The following DNAJB12 variants were observed in gnomAD, a reference collection of about 807,000 sequenced individuals.
DNAJB12 encodes DnaJ heat shock protein family (Hsp40) member B12, also known as dnaJ homolog subfamily B member 12.
In DNAJB12, 14 loss-of-function variants were observed where a neutral mutation model predicts 40.6. That is an observed-to-expected ratio of 0.34 (90% confidence interval 0.23 to 0.54). DNAJB12 has a LOEUF of 0.54. Ranked by LOEUF, DNAJB12 falls within the 20% of genes least tolerant of loss-of-function variation. The pLI is 0.92. For missense variants in DNAJB12, 444 were observed against 501.7 expected (o/e 0.89, Z 1.10); for synonymous variants, 181 against 199.5 (o/e 0.91, Z 0.78).
intron 1 of DNAJB12, among the ~76,000 whole-genome samples, chr10:72,347,961 C>G (rs1203651780): frequency 6.6e-6 from 1 of 151,346 alleles, no homozygotes; most frequent in East Asian, 2.0e-4. Context: ...TGGTGGCTCA[C>G]ACCTGTAATC....
chr10:72,335,420 C>A lies in DNAJB12; in HGVS notation c.*30+360G>T. 1 of 1,050,026 alleles carries A rather than the reference C, an allele frequency of 9.5e-7. No individual in the cohort carries two copies. Among genetic ancestry groups the A allele is most frequent in the East Asian group, 8.8e-5 (1 of 11,340 alleles). 65.0% of individuals were successfully genotyped at this position (1,050,026 alleles called of 1,614,324 possible). A position where few individuals can be genotyped will look rare whatever the true frequency, so the allele number is the denominator to read the frequency against. On this transcript the variant is annotated intron_variant, in intron 8 of 8. Coordinates refer to ENST00000444643, the MANE Select transcript of DNAJB12 (RefSeq NM_017626.7). The surrounding 1 kb of genome is among the most constrained non-coding windows in gnomAD (Gnocchi z 4.4). ...TAAATACCAGGGCACGGACAATAGT[C>A]TGCTGTGCTGGAGAAAGGGCCGTGC...
chr10:72,348,762 G>A (rs1861862709), intron 1 of DNAJB12, among the ~76,000 whole-genome samples: 1 of 152,246 alleles, frequency 6.6e-6, no homozygotes. Flanking sequence ...CTGAGAGGGT[G>A]CTTGGGGAGG....
Position 72,333,049 on chromosome 10 carries a change from T to C in DNAJB12, c.*1599A>G, listed in dbSNP as rs1861360063. ...GCCACATCAGTTCTTATAATCTCTCTGGGCTGAAGTGGCTGCTTCATTGCA... is the reference window on the plus strand; with the variant it reads ...GCCACATCAGTTCTTATAATCTCTCCGGGCTGAAGTGGCTGCTTCATTGCA... On this transcript the variant is annotated 3_prime_UTR_variant, in exon 9 of 9. Transcript: ENST00000444643. 1 of 152,646 alleles carries C rather than the reference T, an allele frequency of 6.6e-6. No homozygotes were observed. The highest frequency in any genetic ancestry group is 6.5e-5 in the Admixed American group (1 of 15,284). The allele number at this position is 152,646 out of a possible 1,614,324, so 9.5% of individuals were successfully genotyped here.
chr10:72,354,699 C>G (rs1862021152), intron 1 of DNAJB12, 66 bp downstream of exon 1: 3 of 1,399,324 alleles, frequency 2.1e-6, no homozygotes, highest in African/African-American at 2.9e-5. Context: ...CTGCTCCCGT[C>G]GGTCCGTTCC....
intron 5 of DNAJB12, among the ~76,000 whole-genome samples, chr10:72,340,258 G>A (rs965392530): frequency 6.6e-6 from 1 of 151,916 alleles, no homozygotes; most frequent in Non-Finnish European, 1.5e-5. Context: ...GCAGGAGAAT[G>A]GCTTGAACCC....
At chr10:72,345,176 G>T in intron 1 of DNAJB12, 49 bp from the exon 2 acceptor site, 1 of 1,549,974 alleles carries the variant, frequency 6.5e-7, no homozygotes, top group Non-Finnish European at 8.7e-7. Flanking sequence ...AGCAGGCTGC[G>T]TGCCTCGCCG....
Position 72,336,705 on chromosome 10 carries a change from A to C in DNAJB12, c.834-9T>G, listed in dbSNP as rs1290233025. ...GGATGTGGCCCACGGACCTGGCCAG[A>C]AATACCAGGTTCAAAGTGGGTGCGG... On this transcript the variant is annotated splice_polypyrimidine_tract_variant and intron_variant, in intron 6 of 8. Coordinates refer to ENST00000444643, the MANE Select transcript of DNAJB12 (RefSeq NM_017626.7). 6.2e-7 allele frequency: 1 copy of C among 1,612,902 alleles called. No individual in the cohort carries two copies. The highest frequency in any genetic ancestry group is 1.3e-5 in the African/African-American group (1 of 74,900).
intron 1 of DNAJB12, 123 bp from the exon 2 acceptor site, chr10:72,345,250 G>A: frequency 8.7e-7 from 1 of 1,145,282 alleles, no homozygotes; most frequent in Non-Finnish European, 1.2e-6. Flanking sequence ...GCCCTGATTA[G>A]GCCTGTGGGT....
Position 72,335,979 on chromosome 10 carries a change from G to T in DNAJB12, c.1007-48C>A, listed in dbSNP as rs768962098. 6.2e-7 allele frequency: 1 copy of T among 1,607,624 alleles called. No individual in the cohort carries two copies. The highest frequency in any genetic ancestry group is 1.1e-5 in the South Asian group (1 of 90,570). Reference sequence around the variant, plus strand: ...TAGTGCACACCCAGTACCTCCCGAAGCCTGCAAGGAAGCCTGCGAGGGCTG... The same window carrying T: ...TAGTGCACACCCAGTACCTCCCGAATCCTGCAAGGAAGCCTGCGAGGGCTG... On this transcript the variant is annotated intron_variant, in intron 7 of 8. Coordinates refer to ENST00000444643, the MANE Select transcript of DNAJB12 (RefSeq NM_017626.7). The surrounding 1 kb of genome is among the most constrained non-coding windows in gnomAD (Gnocchi z 4.4).
At chr10:72,336,407 G>T in intron 7 of DNAJB12, 117 bp downstream of exon 7, 2 of 1,152,580 alleles carry the variant, frequency 1.7e-6, no homozygotes, top group Non-Finnish European at 2.5e-6. Flanking sequence ...GTGCAGGGCA[G>T]TGCCAGGGGC....
chr10:72,347,948 G>T (rs1037100977), intron 1 of DNAJB12, among the ~76,000 whole-genome samples: 1 of 151,168 alleles, frequency 6.6e-6, no homozygotes, highest in South Asian at 2.1e-4. Flanking sequence ...AGCCCACCAG[G>T]CATGGTGGCT....
rs1347316784 is a variant in DNAJB12 at position 72,354,911 on chromosome 10, C to A, written c.-14G>T. 6.2e-7 allele frequency: 1 copy of A among 1,613,824 alleles called. No homozygotes were observed. Among genetic ancestry groups the A allele is most frequent in the African/African-American group, 1.3e-5 (1 of 75,036 alleles). ...GTTGGATTCCATGGCGGAACCAGAA[C>A]GCGGAACCAGGGAGGGGGAGGCCGG... On this transcript the variant is annotated 5_prime_UTR_variant, in exon 1 of 9. Transcript: ENST00000444643.
At chr10:72,337,568 G>A (rs55769980) in intron 6 of DNAJB12, among the ~76,000 whole-genome samples, 10,715 of 152,288 alleles carry the variant, frequency 0.07, 764 homozygotes, top group African/African-American at 0.18. Context: ...TTTCTAGTGG[G>A]CCAGACATTT....
intron 7 of DNAJB12, among the ~76,000 whole-genome samples, chr10:72,336,311 A>C (rs2131978209): frequency 6.6e-6 from 1 of 152,322 alleles, no homozygotes; most frequent in East Asian, 1.9e-4. Context: ...ATTTACGGGA[A>C]CCTGAGGAAA....
chr10:72,338,557 C>CAAA lies in DNAJB12; in HGVS notation c.724-249_724-247dup, dbSNP rs373961270. On this transcript the variant is annotated intron_variant, in intron 5 of 8. Coordinates refer to ENST00000444643, the MANE Select transcript of DNAJB12 (RefSeq NM_017626.7). ...TCTGCATTTACTTTTGACAGAATGCCAAAAAAAAAAAAAAATCAGCAAAAG... is the reference window on the plus strand; with the variant it reads ...TCTGCATTTACTTTTGACAGAATGCCAAAAAAAAAAAAAAAAAATCAGCAAAAG... 4.2e-3 allele frequency among the ~76,000 whole-genome samples: 506 copies of CAAA among 121,664 alleles called. 3 individuals are homozygous for CAAA. The highest frequency in any genetic ancestry group is 0.014 in the African/African-American group (473 of 34,284). The allele number at this position is 121,664 out of a possible 152,430, so 79.8% of individuals were successfully genotyped here. A position where few individuals can be genotyped will look rare whatever the true frequency, so the allele number is the denominator to read the frequency against.
chr10:72,342,811 T>TA (rs1319703106), intron 3 of DNAJB12, among the ~76,000 whole-genome samples: 3 of 152,170 alleles, frequency 2.0e-5, no homozygotes, highest in Non-Finnish European at 2.9e-5. Context: ...AAGGGCAGCT[T>TA]ACGATTTCAG....
chr10:72,344,519 C>T (rs1423743975), intron 2 of DNAJB12, among the ~76,000 whole-genome samples: 1 of 152,238 alleles, frequency 6.6e-6, no homozygotes, highest in Non-Finnish European at 1.5e-5. Context: ...ATAACTCTGC[C>T]TCTGGTCTCC....
At chr10:72,337,118 G>A (rs375598016) in intron 6 of DNAJB12, among the ~76,000 whole-genome samples, 3 of 152,196 alleles carry the variant, frequency 2.0e-5, no homozygotes, top group East Asian at 3.8e-4. Context: ...AAAATGACAG[G>A]AAGGGCTCCA....
At chr10:72,345,517 C>A (rs1421781079) in intron 1 of DNAJB12, among the ~76,000 whole-genome samples, 1 of 148,196 alleles carries the variant, frequency 6.7e-6, no homozygotes, top group Non-Finnish European at 1.5e-5. Flanking sequence ...TTGCAGTGAG[C>A]CAAGATGGTG....
Sources: gnomAD v4.1 joint callset for allele counts (sites outside exome capture counted in the v4.1 genomes callset) on GRCh38, gnomAD v4.1.1 for gene constraint, Gnocchi (gnomAD v3.1) non-coding constraint, MANE v1.5 for transcripts, NCBI Gene and HGNC (gene_info 2026-07-23, HGNC 2026-07-21) for gene names.